Variants in ERBB4 observed in about 807,000 individuals in gnomAD.
ERBB4 encodes erb-b2 receptor tyrosine kinase 4.
ERBB4 carries 42 observed loss-of-function variants against 158.0 expected under a neutral mutation model. The ratio of observed to expected loss-of-function variants is 0.27; its 90% CI spans 0.21 to 0.34. The LOEUF is 0.34. Ranked by LOEUF, ERBB4 falls within the 10% of genes least tolerant of loss-of-function variation. The pLI is 1.00. For missense variants in ERBB4, 1,333 were observed against 1,624.1 expected (o/e 0.82, Z 3.08); for synonymous variants, 583 against 558.7 (o/e 1.04, Z -0.61).
At chr2:211,685,104 A>AT (rs1171978771) in intron 12 of ERBB4, among the ~76,000 whole-genome samples, 3 of 152,160 alleles carry the variant, frequency 2.0e-5, no homozygotes, top group Non-Finnish European at 4.4e-5. Flanking sequence ...ATCTTAGGAT[A>AT]TTTTACAGAG....
chr2:211,583,587 A>G (rs944966703), intron 19 of ERBB4, among the ~76,000 whole-genome samples: 1 of 151,636 alleles, frequency 6.6e-6, no homozygotes, highest in Non-Finnish European at 1.5e-5. Flanking sequence ...ACTGTATTCA[A>G]CAATATACCT....
At position 211,382,661 on chromosome 2, in the gene ERBB4, C is replaced by T. The variant is rs59859328; in HGVS notation, c.*954G>A. The stretch of plus-strand genomic sequence containing the variant: ...GTTTTCCTGAACCACAGAGAACTGT[C>T]TCTTAGTTTCCCTTCTACTCTTCAG... On this transcript the variant is annotated 3_prime_UTR_variant, in exon 28 of 28. Transcript: ENST00000342788. 0.012 allele frequency: 2,690 copies of T among 232,642 alleles called. 56 individuals carry two copies. Among genetic ancestry groups the T allele is most frequent in the African/African-American group, 0.055 (2,496 of 45,362 alleles). The allele number at this position is 232,642 out of a possible 1,614,324, so 14.4% of individuals were successfully genotyped here.
chr2:211,731,066 G>C (rs2074412938), intron 5 of ERBB4, among the ~76,000 whole-genome samples: 1 of 151,966 alleles, frequency 6.6e-6, no homozygotes, highest in Non-Finnish European at 1.5e-5. Flanking sequence ...GGAAAATTTG[G>C]GAGGGAAATT....
intron 25 of ERBB4, among the ~76,000 whole-genome samples, chr2:211,408,816 A>C (rs1299910634): frequency 6.6e-6 from 1 of 152,212 alleles, no homozygotes; most frequent in Non-Finnish European, 1.5e-5. Flanking sequence ...TTCTGGTGTA[A>C]AAATAAAATG....
At chr2:211,386,723 G>T in intron 27 of ERBB4, 130 bp downstream of exon 27, 1 of 785,602 alleles carries the variant, frequency 1.3e-6, no homozygotes. Context: ...ACAAGTAGCA[G>T]TAGCCTAGGC....
intron 25 of ERBB4, among the ~76,000 whole-genome samples, chr2:211,391,204 C>T (rs1388318004): frequency 3.3e-5 from 5 of 152,146 alleles, no homozygotes; most frequent in Non-Finnish European, 7.3e-5. Flanking sequence ...TCCCTCAATT[C>T]CCCACACTTG....
chr2:211,716,014 T>C (rs1292462615), intron 7 of ERBB4, among the ~76,000 whole-genome samples: 1 of 152,164 alleles, frequency 6.6e-6, no homozygotes, highest in African/African-American at 2.4e-5. Flanking sequence ...AAATGCATGT[T>C]TGGAGTTTTT....
At chr2:211,670,179 A>G (rs1033368070) in intron 14 of ERBB4, among the ~76,000 whole-genome samples, 1 of 152,170 alleles carries the variant, frequency 6.6e-6, no homozygotes, top group African/African-American at 2.4e-5. Context: ...ACACAAAACC[A>G]TCTCTGACTC....
intron 1 of ERBB4, among the ~76,000 whole-genome samples, chr2:212,312,211 G>T (rs867636735): frequency 3.3e-4 from 50 of 151,146 alleles, no homozygotes; most frequent in African/African-American, 1.2e-3. Flanking sequence ...GCCCCGGTCA[G>T]AAAAAGACCC....
chr2:212,259,395 C>G (rs1397424438), intron 1 of ERBB4, among the ~76,000 whole-genome samples: 2 of 152,118 alleles, frequency 1.3e-5, no homozygotes, highest in Non-Finnish European at 2.9e-5. Flanking sequence ...CGCTCTGACC[C>G]AAACCTAAGA....
chr2:212,179,374 TGA>T (rs1309735280), intron 1 of ERBB4, among the ~76,000 whole-genome samples: 3 of 149,790 alleles, frequency 2.0e-5, no homozygotes, highest in African/African-American at 7.3e-5. Context: ...TACTAAGCAC[TGA>T]GAGTACTCCA....
chr2:211,545,526 G>C (rs1038995495), intron 20 of ERBB4, among the ~76,000 whole-genome samples: 1 of 151,900 alleles, frequency 6.6e-6, no homozygotes, highest in Non-Finnish European at 1.5e-5. Context: ...AAATAGATGG[G>C]ATAAATCATT....
intron 19 of ERBB4, among the ~76,000 whole-genome samples, chr2:211,606,527 T>C (rs2068983098): frequency 6.6e-6 from 1 of 151,988 alleles, no homozygotes; most frequent in Admixed American, 6.6e-5. Context: ...AATAAACCTA[T>C]TGATATTATT....
chr2:211,660,639 G>A (rs965626734), intron 15 of ERBB4, among the ~76,000 whole-genome samples: 1 of 152,162 alleles, frequency 6.6e-6, no homozygotes, highest in African/African-American at 2.4e-5. Context: ...AAGATGAGTG[G>A]TTAACGGGGA....
In ERBB4 at chr2:211,388,066, AAAAAG is replaced by A. The variant is rs1352354889; in HGVS notation, c.3136-79_3136-75del. The A allele has an allele frequency of 3.2e-5, 39 of 1,201,852 alleles. No homozygotes were observed. In the African/African-American group the frequency reaches 5.6e-4, roughly 17 times the overall value. 74.4% of individuals were successfully genotyped at this position (1,201,852 alleles called of 1,614,324 possible). Reference sequence around the variant, plus strand: ...AATGAAAAAATTAAAAAAAGAAACGAAAAAGAAAAGCCACATGGGTCGTATGAACC... The same window carrying A: ...AATGAAAAAATTAAAAAAAGAAACGAAAAAGCCACATGGGTCGTATGAACC... On this transcript the variant is annotated intron_variant, in intron 25 of 27. Coordinates refer to ENST00000342788, the MANE Select transcript of ERBB4 (RefSeq NM_005235.3).
intron 25 of ERBB4, among the ~76,000 whole-genome samples, chr2:211,396,781 T>C (rs1284797786): frequency 2.0e-5 from 3 of 152,176 alleles, no homozygotes; most frequent in Non-Finnish European, 4.4e-5. Context: ...TGGACCAGGT[T>C]GAAAATATCT....
chr2:211,678,898 C>T (rs925609541), intron 13 of ERBB4, among the ~76,000 whole-genome samples, 154 bp downstream of exon 13: 7 of 131,276 alleles, frequency 5.3e-5, no homozygotes, highest in African/African-American at 2.0e-4. Context: ...ACCCAGGAGG[C>T]GGAGCTTGCA....
At chr2:212,317,014 C>A (rs953205606) in intron 1 of ERBB4, among the ~76,000 whole-genome samples, 12 of 151,450 alleles carry the variant, frequency 7.9e-5, no homozygotes, top group African/African-American at 2.4e-4. Context: ...TTCCCTTGCT[C>A]ATTTGTGATA....
At chr2:211,533,811 CAGTG>C (rs2066570699) in intron 20 of ERBB4, among the ~76,000 whole-genome samples, 1 of 151,978 alleles carries the variant, frequency 6.6e-6, no homozygotes, top group Non-Finnish European at 1.5e-5. Flanking sequence ...GACAAAATAA[CAGTG>C]AGCTGAAAAA....
Sources: allele counts gnomAD v4.1 joint callset (sites outside exome capture counted in the v4.1 genomes callset), GRCh38; gene constraint gnomAD v4.1.1; transcripts MANE v1.5; gene names NCBI Gene and HGNC (gene_info 2026-07-23, HGNC 2026-07-21).